Variants in AHCYL2 observed in about 807,000 individuals in gnomAD.
AHCYL2 encodes the protein adenosylhomocysteinase like 2.
AHCYL2 carries 28 observed loss-of-function variants against 81.4 expected under a neutral mutation model. That is an observed-to-expected ratio of 0.34 (90% confidence interval 0.25 to 0.47). The LOEUF is 0.47. AHCYL2 is among the 20% of genes least tolerant of loss of function. AHCYL2 has a pLI of 1.00. For missense variants in AHCYL2, 551 were observed against 785.1 expected, an observed-to-expected ratio of 0.70 and a Z score of 3.56; for synonymous variants, 272 against 290.2, an observed-to-expected ratio of 0.94 and a Z score of 0.64.
chr7:129,388,222 C>G (rs997696168), intron 2 of AHCYL2: 5 of 152,152 alleles, frequency 3.3e-5, no homozygotes, highest in African/African-American at 1.2e-4. Context: ...GGGAAGGACA[C>G]TGCTTCAAAT....
Position 129,427,337 on chromosome 7 carries a change from A to C in AHCYL2, c.*292A>C. 3.2e-6 allele frequency: 1 copy of C among 312,724 alleles called. No homozygotes were observed. Among genetic ancestry groups the C allele is most frequent in the Non-Finnish European group, 5.9e-6 (1 of 170,348 alleles). The allele number at this position is 312,724 out of a possible 1,614,324, so 19.4% of individuals were successfully genotyped here. A position where few individuals can be genotyped will look rare whatever the true frequency, so the allele number is the denominator to read the frequency against. On this transcript the variant is annotated 3_prime_UTR_variant, in exon 17 of 17. Transcript: ENST00000325006. This position sits in a 1 kb window ranked among gnomAD's most constrained non-coding sequence, Gnocchi z 5.5. The stretch of plus-strand genomic sequence containing the variant: ...ATTTGCATCATTCCCCATTGACTGA[A>C]TCCTCAGCAGTGGCCGTTTTTCCTC...
intron 11 of AHCYL2, chr7:129,410,272 C>T: frequency 6.2e-7 from 1 of 1,614,152 alleles, no homozygotes; most frequent in African/African-American, 1.3e-5. Context: ...CCACATCTTC[C>T]TTCTGTTTCT....
intron 1 of AHCYL2, among the ~76,000 whole-genome samples, chr7:129,327,803 A>AT (rs1264756497): frequency 2.0e-5 from 3 of 148,878 alleles, no homozygotes; most frequent in Admixed American, 2.0e-4. Flanking sequence ...TATTATTATT[A>AT]TTTTTTTTCA....
chr7:129,266,608 A>T (rs1005286313), intron 1 of AHCYL2, among the ~76,000 whole-genome samples: 1 of 152,228 alleles, frequency 6.6e-6, no homozygotes, highest in Non-Finnish European at 1.5e-5. Context: ...CATAATGGAC[A>T]TAATGGTTTT....
At chr7:129,243,940 A>G (rs1794956056) in intron 1 of AHCYL2, among the ~76,000 whole-genome samples, 1 of 151,862 alleles carries the variant, frequency 6.6e-6, no homozygotes, top group African/African-American at 2.4e-5. Flanking sequence ...TTTATATGGT[A>G]TGAGATAGTG....
intron 1 of AHCYL2, among the ~76,000 whole-genome samples, chr7:129,344,022 T>C (rs6953498): frequency 0.016 from 2,482 of 152,212 alleles, 67 homozygotes; most frequent in African/African-American, 0.056. Flanking sequence ...TGAATGCTAA[T>C]AAGCATATAA....
chr7:129,317,856 T>C (rs2150783759), intron 1 of AHCYL2, among the ~76,000 whole-genome samples: 1 of 152,252 alleles, frequency 6.6e-6, no homozygotes, highest in Middle Eastern at 3.4e-3. Context: ...GCATAATAAA[T>C]ACTAGGGAAG....
intron 1 of AHCYL2, among the ~76,000 whole-genome samples, chr7:129,353,857 C>T (rs900384693): frequency 1.3e-5 from 2 of 150,416 alleles, no homozygotes; most frequent in African/African-American, 2.4e-5. Context: ...AAAAGAGAAG[C>T]CCAAAGGAAA....
rs1049855877 is a variant in AHCYL2, at chr7:129,293,545, G to A, written c.363+68106G>A. Among the ~76,000 whole-genome samples, 41 of 152,132 alleles carry A rather than the reference G, an allele frequency of 2.7e-4. 1 individual carries two copies. The highest frequency in any genetic ancestry group is 1.4e-3 in the East Asian group (7 of 5,178). ...ACAAAAAAATTAGCTGGGCATGGTGGCACATGCCTATAGTCCCAGTTACTA... is the reference window on the plus strand; with the variant it reads ...ACAAAAAAATTAGCTGGGCATGGTGACACATGCCTATAGTCCCAGTTACTA... On this transcript the variant is annotated intron_variant, in intron 1 of 16. Transcript: ENST00000325006.
chr7:129,286,164 T>C (rs1235153427), intron 1 of AHCYL2, among the ~76,000 whole-genome samples: 3 of 152,158 alleles, frequency 2.0e-5, no homozygotes, highest in Admixed American at 1.3e-4. Context: ...TAAAATGAAA[T>C]GGTAATGTGA....
intron 1 of AHCYL2, among the ~76,000 whole-genome samples, chr7:129,365,979 CAG>C (rs995746676): frequency 7.2e-5 from 11 of 152,104 alleles, no homozygotes; most frequent in African/African-American, 2.7e-4. Context: ...ATTTAGGTAA[CAG>C]ATGTGACTTC....
chr7:129,368,484 A>G lies in AHCYL2; in HGVS notation c.364-11154A>G. 1 of 1,613,960 alleles carries G rather than the reference A, an allele frequency of 6.2e-7. No individual in the cohort carries two copies. Among genetic ancestry groups the G allele is most frequent in the Non-Finnish European group, 8.5e-7 (1 of 1,179,870 alleles). On this transcript the variant is annotated intron_variant, in intron 1 of 16. Transcript: ENST00000325006. This position sits in a 1 kb window ranked among gnomAD's most constrained non-coding sequence, Gnocchi z 4.4. ...TTTTGCTTCAGGACATATCTTACCC[A>G]AGCCTGCACTATGGAGAAGTGGGAC...
intron 1 of AHCYL2, among the ~76,000 whole-genome samples, chr7:129,265,023 A>T (rs567150484): frequency 6.6e-6 from 1 of 152,250 alleles, no homozygotes; most frequent in South Asian, 2.1e-4. Flanking sequence ...AGTTATATAC[A>T]TGATTTATTA....
At chr7:129,345,884 G>A (rs181387320) in intron 1 of AHCYL2, among the ~76,000 whole-genome samples, 7 of 152,210 alleles carry the variant, frequency 4.6e-5, no homozygotes, top group South Asian at 2.1e-4. Flanking sequence ...AGCAGGTTTG[G>A]GGGGGTAAGA....
Position 129,405,043 on chromosome 7 carries a change from A to G in AHCYL2, c.1026-54A>G. The G allele has an allele frequency of 4.2e-6, 5 of 1,189,516 alleles. No homozygotes were observed. The Admixed American group carries it at 7.0e-5, about 17-fold the overall frequency. 73.7% of individuals were successfully genotyped at this position (1,189,516 alleles called of 1,614,324 possible). On this transcript the variant is annotated intron_variant, in intron 7 of 16. Coordinates refer to ENST00000325006, the MANE Select transcript of AHCYL2 (RefSeq NM_015328.4). ...ATTTCTGGGGCCTCCTATGAAAGCAATGGTAGATTGTAATGTCCTGGTGTT... is the reference window on the plus strand; with the variant it reads ...ATTTCTGGGGCCTCCTATGAAAGCAGTGGTAGATTGTAATGTCCTGGTGTT...
chr7:129,287,376 G>C (rs1468991978), intron 1 of AHCYL2, among the ~76,000 whole-genome samples: 1 of 152,166 alleles, frequency 6.6e-6, no homozygotes, highest in Non-Finnish European at 1.5e-5. Context: ...TTCTACAGCA[G>C]ATTTTTCCTT....
intron 1 of AHCYL2, among the ~76,000 whole-genome samples, chr7:129,374,857 C>G (rs1021342317): frequency 1.4e-5 from 2 of 147,190 alleles, no homozygotes; most frequent in African/African-American, 2.5e-5. Flanking sequence ...TTGTGCTCAA[C>G]AAGCAGTCTT....
intron 1 of AHCYL2, among the ~76,000 whole-genome samples, chr7:129,317,340 G>A (rs759181329): frequency 6.6e-6 from 1 of 152,174 alleles, no homozygotes; most frequent in African/African-American, 2.4e-5. Context: ...TATGCTCCCT[G>A]TGTCAGTGTG....
chr7:129,252,210 G>A (rs1038157101), intron 1 of AHCYL2, among the ~76,000 whole-genome samples: 2 of 152,106 alleles, frequency 1.3e-5, no homozygotes, highest in Non-Finnish European at 2.9e-5. Context: ...TTCAGTTCTT[G>A]TATGTAACAC....
Sources: gnomAD v4.1 joint callset for allele counts (sites outside exome capture counted in the v4.1 genomes callset) on GRCh38, gnomAD v4.1.1 for gene constraint, Gnocchi (gnomAD v3.1) non-coding constraint, MANE v1.5 for transcripts, NCBI Gene and HGNC (gene_info 2026-07-23, HGNC 2026-07-21) for gene names.